The following FHOD3 variants were observed in gnomAD, a reference collection of about 807,000 sequenced individuals.
The protein encoded by FHOD3 is formin homology 2 domain containing 3, also known as FH1/FH2 domain-containing protein 3.
Under a neutral mutation model 173.0 loss-of-function variants are expected in FHOD3, and 90 were observed. The observed-to-expected ratio is 0.52, with a 90% CI of 0.44 to 0.62. The LOEUF (loss-of-function observed/expected upper bound fraction) is 0.62, where lower values mean the gene tolerates loss of function less well. FHOD3 is among the 20% of genes least tolerant of loss of function. The probability of loss-of-function intolerance (pLI) is 0.00; values close to 1 mark genes in which losing one functional copy is unlikely to be tolerated. For missense variants in FHOD3, 1,945 were observed against 2,034.7 expected, an observed-to-expected ratio of 0.96 and a Z score of 0.85; for synonymous variants, 828 against 823.0, an observed-to-expected ratio of 1.01 and a Z score of -0.10.
chr18:36,732,328 G>A (rs1017571935), intron 20 of FHOD3, among the ~76,000 whole-genome samples: 11 of 152,140 alleles, frequency 7.2e-5, no homozygotes, highest in African/African-American at 2.4e-4. Flanking sequence ...AGTTTGTGGC[G>A]TTTTATTATG....
At position 36,718,364 on chromosome 18, in the gene FHOD3, T is replaced by TTCCCCC; in HGVS notation, c.3066_3067insTCCCCC (p.Pro1022_Pro1023insSerPro). ...GTCACAGGGAGGCCCCTGGGCCACC[T>TTCCCCC]CCCCCACCCCCACCCACCTTTCTGG... On this transcript the variant is annotated inframe_insertion, in exon 19 of 29. Transcript: ENST00000590592. 1 of 1,312,966 alleles carries TTCCCCC rather than the reference T, an allele frequency of 7.6e-7. No individual in the cohort carries two copies. Among genetic ancestry groups the TTCCCCC allele is most frequent in the Non-Finnish European group, 1.0e-6 (1 of 972,970 alleles). The allele number at this position is 1,312,966 out of a possible 1,614,324, so 81.3% of individuals were successfully genotyped here. A position where few individuals can be genotyped will look rare whatever the true frequency, so the allele number is the denominator to read the frequency against.
Position 36,614,208 on chromosome 18 carries a change from C to T in FHOD3, c.957+2113C>T, listed in dbSNP as rs1422429785. 3.3e-5 allele frequency among the ~76,000 whole-genome samples: 5 copies of T among 152,186 alleles called. No homozygotes were observed. In the South Asian group the frequency reaches 8.3e-4, roughly 25 times the overall value. ...GCCCCAAACCGGTAATCTACTTTCT[C>T]TCTCTATGGATTTACCTGTTTTGGA... On this transcript the variant is annotated intron_variant, in intron 9 of 28. Transcript: ENST00000590592.
At chr18:36,513,674 C>G (rs2055787299) in intron 5 of FHOD3, among the ~76,000 whole-genome samples, 1 of 152,068 alleles carries the variant, frequency 6.6e-6, no homozygotes, top group South Asian at 2.1e-4. Flanking sequence ...TCCTTATGTT[C>G]TGTGGCGTTT....
intron 19 of FHOD3, among the ~76,000 whole-genome samples, chr18:36,723,111 G>T (rs1051099648): frequency 3.3e-5 from 5 of 152,118 alleles, no homozygotes; most frequent in Admixed American, 3.3e-4. Flanking sequence ...AGGGCCAAAA[G>T]CCCCTGGAGG....
At chr18:36,750,005 C>T (rs755807107) in intron 24 of FHOD3, among the ~76,000 whole-genome samples, 10 of 151,512 alleles carry the variant, frequency 6.6e-5, no homozygotes, top group South Asian at 2.1e-4. Flanking sequence ...AGTGTCTGTT[C>T]GGGGCCGGGC....
chr18:36,466,899 C>CTAT (rs2052977073), intron 3 of FHOD3, among the ~76,000 whole-genome samples: 1 of 151,316 alleles, frequency 6.6e-6, no homozygotes, highest in African/African-American at 2.4e-5. Flanking sequence ...TTTTAGGCTA[C>CTAT]TATTACCTTG....
chr18:36,432,994 A>G (rs2050631018), intron 3 of FHOD3, among the ~76,000 whole-genome samples: 1 of 152,198 alleles, frequency 6.6e-6, no homozygotes, highest in Non-Finnish European at 1.5e-5. Flanking sequence ...TTGGTAGAAC[A>G]TCAGGAGGTG....
At position 36,622,947 on chromosome 18, in the gene FHOD3, T is replaced by C. The variant is rs899247426; in HGVS notation, c.958-2564T>C. The stretch of plus-strand genomic sequence containing the variant: ...AACAGCAGCCTCCAATTTCTTGTTA[T>C]GTTGTCCCTGACTGCCAAGCATGAG... On this transcript the variant is annotated intron_variant, in intron 9 of 28. Transcript: ENST00000590592. Among the ~76,000 whole-genome samples the C allele has an allele frequency of 3.2e-4, 48 of 152,238 alleles. 2 individuals are homozygous for C. The highest frequency in any genetic ancestry group is 2.9e-5 in the Non-Finnish European group (2 of 68,046).
At chr18:36,718,871 A>G (rs1457024808) in intron 19 of FHOD3, among the ~76,000 whole-genome samples, 156 bp downstream of exon 19, 4 of 152,356 alleles carry the variant, frequency 2.6e-5, no homozygotes, top group Admixed American at 2.0e-4. Context: ...CTTCTGCCAC[A>G]TGCTAGGTGT....
intron 26 of FHOD3, among the ~76,000 whole-genome samples, chr18:36,759,877 C>A (rs900288435): frequency 6.6e-6 from 1 of 152,164 alleles, no homozygotes; most frequent in Non-Finnish European, 1.5e-5. Flanking sequence ...TCCAGGTGTT[C>A]GGCATTGTGT....
At position 36,718,559 on chromosome 18, in the gene FHOD3, TTTG is replaced by T; in HGVS notation, c.3264_3266del (p.Leu1088del). ...TCACTAAGAAAAAGAAGACCATCCG[TTTG>T]TTCTGGAATGAAGTTCGGCCTTTTG... On this transcript the variant is annotated inframe_deletion, in exon 19 of 29. Coordinates refer to ENST00000590592, the MANE Select transcript of FHOD3 (RefSeq NM_001281740.3). 6.2e-7 allele frequency: 1 copy of T among 1,614,062 alleles called. No homozygotes were observed. Among genetic ancestry groups the T allele is most frequent in the Non-Finnish European group, 8.5e-7 (1 of 1,180,012 alleles).
chr18:36,627,263 T>C (rs1329654963), intron 10 of FHOD3, among the ~76,000 whole-genome samples: 1 of 152,196 alleles, frequency 6.6e-6, no homozygotes, highest in Non-Finnish European at 1.5e-5. Context: ...AAGGCCTGTA[T>C]ATAAAGCCAC....
At chr18:36,498,625 C>T (rs1156474676) in intron 3 of FHOD3, among the ~76,000 whole-genome samples, 1 of 152,030 alleles carries the variant, frequency 6.6e-6, no homozygotes, top group Non-Finnish European at 1.5e-5. Context: ...ATCAGAATAG[C>T]CCTACATTAA....
intron 3 of FHOD3, among the ~76,000 whole-genome samples, chr18:36,430,953 G>A (rs1017677132): frequency 1.3e-5 from 2 of 152,112 alleles, no homozygotes; most frequent in African/African-American, 4.8e-5. Flanking sequence ...CCTCTGTCTA[G>A]AGGGCATACT....
At chr18:36,542,239 C>T (rs1044102281) in intron 5 of FHOD3, among the ~76,000 whole-genome samples, 1 of 152,158 alleles carries the variant, frequency 6.6e-6, no homozygotes, top group African/African-American at 2.4e-5. Context: ...AGATCCCATA[C>T]AGGAAGCATC....
At chr18:36,586,555 G>A (rs1191814326) in intron 6 of FHOD3, among the ~76,000 whole-genome samples, 1 of 151,866 alleles carries the variant, frequency 6.6e-6, no homozygotes, top group Non-Finnish European at 1.5e-5. Context: ...CACGATCTCG[G>A]CTCACTGCAA....
chr18:36,594,965 G>A, intron 7 of FHOD3, 67 bp downstream of exon 7: 1 of 979,106 alleles, frequency 1.0e-6, no homozygotes, highest in Non-Finnish European at 1.6e-6. Flanking sequence ...CTTCTGTGTT[G>A]TACATGCTTG....
Position 36,380,543 on chromosome 18 carries a change from CTTTCTTTTGTTTTCTTTTCTTTTCT to C in FHOD3, c.337+7808_337+7832del, listed in dbSNP as rs1236962218. On this transcript the variant is annotated intron_variant, in intron 3 of 28. Transcript: ENST00000590592. ...TCTCTCCCTTTTTCCCTTTCTCTCTCTTTCTTTTGTTTTCTTTTCTTTTCTTTTCTTTTCTTTTCCTTTCCTTTCC... is the reference window on the plus strand; with the variant it reads ...TCTCTCCCTTTTTCCCTTTCTCTCTCTTTCTTTTCTTTTCCTTTCCTTTCC... Among the ~76,000 whole-genome samples, 37 of 119,534 alleles carry C rather than the reference CTTTCTTTTGTTTTCTTTTCTTTTCT, an allele frequency of 3.1e-4. 2 individuals carry two copies. In the South Asian group the frequency reaches 0.013, roughly 40 times the overall value. The allele number at this position is 119,534 out of a possible 152,430, so 78.4% of individuals were successfully genotyped here. A position where few individuals can be genotyped will look rare whatever the true frequency, so the allele number is the denominator to read the frequency against.
intron 1 of FHOD3, among the ~76,000 whole-genome samples, chr18:36,299,068 G>A (rs1158082265): frequency 6.6e-6 from 1 of 152,154 alleles, no homozygotes; most frequent in Admixed American, 6.5e-5. Context: ...AAAAACCTCG[G>A]ATTTCTGTAT....
Sources: gnomAD v4.1 joint callset for allele counts (sites outside exome capture counted in the v4.1 genomes callset) on GRCh38, gnomAD v4.1.1 for gene constraint, MANE v1.5 for transcripts, NCBI Gene and HGNC (gene_info 2026-07-23, HGNC 2026-07-21) for gene names.